ZNF419: variants seen among roughly 807,000 people sequenced by gnomAD.
ZNF419 encodes zinc finger protein 419.
In ZNF419, 8 loss-of-function variants were observed where a neutral mutation model predicts 14.9. That is an observed-to-expected ratio of 0.54 (90% CI 0.32 to 0.97). ZNF419 has a LOEUF of 0.97. Ranked by LOEUF, ZNF419 falls within the 50% of genes least tolerant of loss-of-function variation. The pLI, the probability that ZNF419 is intolerant of heterozygous loss-of-function variation, is 0.04. For missense variants in ZNF419, 595 were observed against 607.2 expected, an observed-to-expected ratio of 0.98 and a Z score of 0.21; for synonymous variants, 211 against 205.3, an observed-to-expected ratio of 1.03 and a Z score of -0.24.
rs768347662 is a variant in ZNF419, at chr19:57,495,231, C to G, written c.*1141C>G. The stretch of plus-strand genomic sequence containing the variant: ...CAGACTAGTCTCTAACTCCTGGCCT[C>G]AAGTGATCATCCTGCCTCAGCCTCC... On this transcript the variant is annotated 3_prime_UTR_variant, in exon 5 of 5. Transcript: ENST00000221735. The G allele has an allele frequency of 6.6e-5, 10 of 152,220 alleles. No homozygotes were observed. The highest frequency in any genetic ancestry group is 1.3e-4 in the Non-Finnish European group (9 of 68,056). 9.4% of individuals were successfully genotyped at this position (152,220 alleles called of 1,614,324 possible).
chr19:57,490,551 C>T (rs1408739407), intron 2 of ZNF419: 4 of 168,174 alleles, frequency 2.4e-5, no homozygotes, highest in Admixed American at 6.1e-5. Context: ...GGTTTCTCCA[C>T]GTTGGTTAGG....
rs181621518 is a variant in ZNF419 at position 57,488,347 on chromosome 19, A to G, written c.33+364A>G. 442 of 315,040 alleles carry G rather than the reference A, an allele frequency of 1.4e-3. 4 individuals carry two copies. The highest frequency in any genetic ancestry group is 8.5e-3 in the African/African-American group (396 of 46,450). The allele number at this position is 315,040 out of a possible 1,614,324, so 19.5% of individuals were successfully genotyped here. A position where few individuals can be genotyped will look rare whatever the true frequency, so the allele number is the denominator to read the frequency against. ...CTCAAAGTTTGCCAAAGGCCCTTCA[A>G]GTCAAAACAGACTGGGGTGGGGGTG... On this transcript the variant is annotated intron_variant, in intron 1 of 4. Coordinates refer to ENST00000221735, the MANE Select transcript of ZNF419 (RefSeq NM_024691.4).
rs749825922 is a variant in ZNF419, at chr19:57,493,208, A to G, written c.651A>G (p.Leu217=). Residue 217 remains leucine, a synonymous_variant, in exon 5 of 5, where the codon TTA becomes TTG. Coordinates refer to ENST00000221735, the MANE Select transcript of ZNF419 (RefSeq NM_024691.4). ...ECGKAFGQKY[L]LVQHQRLHAG... ...GGAAAGCCTTTGGTCAGAAATATTT[A>G]CTTGTTCAGCACCAGAGACTACATG... 57 of 1,614,208 alleles carry G rather than the reference A, an allele frequency of 3.5e-5. No individual in the cohort carries two copies. Among genetic ancestry groups the G allele is most frequent in the Middle Eastern group, 3.3e-4 (2 of 6,062 alleles).
chr19:57,490,127 A>T lies in ZNF419; in HGVS notation c.34-20A>T. On this transcript the variant is annotated intron_variant, in intron 1 of 4. Transcript: ENST00000221735. The stretch of plus-strand genomic sequence containing the variant: ...TTGGCAACATCACTGTCTGGTTCTC[A>T]TAGTCTTGATTTTCCATAGGTTCCT... 2 of 1,612,082 alleles carry T rather than the reference A, an allele frequency of 1.2e-6. No individual in the cohort carries two copies. Among genetic ancestry groups the T allele is most frequent in the Non-Finnish European group, 1.7e-6 (2 of 1,178,826 alleles).
rs1288141054 is a variant in ZNF419, at chr19:57,492,191, T to G, written c.278T>G (p.Val93Gly). The change falls in exon 4 of 5, where the codon GTG becomes GGG. Residue 93 changes from valine (V) to glycine (G), a missense_variant. Transcript: ENST00000221735. The stretch of plus-strand genomic sequence containing the variant: ...CCCTTCATGCCTGCTTGGGAAGTTG[T>G]GACTTCAGCCATACCGAGAGGTAGT... Reference protein sequence around the residue: ...EEPFMPAWEVVTSAIPRGCWH... With the variant: ...EEPFMPAWEVGTSAIPRGCWH... 1 of 1,614,084 alleles carries G rather than the reference T, an allele frequency of 6.2e-7. No homozygotes were observed. The highest frequency in any genetic ancestry group is 1.3e-5 in the African/African-American group (1 of 75,026).
At chr19:57,492,785 C>T in intron 4 of ZNF419, 71 bp from the exon 5 acceptor site, 1 of 1,594,900 alleles carries the variant, frequency 6.3e-7, no homozygotes, top group Non-Finnish European at 8.6e-7. Context: ...GTGTGTTAGA[C>T]ACATCTGTGA....
At position 57,493,774 on chromosome 19, in the gene ZNF419, G is replaced by C. The variant is rs1340384870; in HGVS notation, c.1217G>C (p.Arg406Thr). The change falls in exon 5 of 5, where the codon AGA becomes ACA. Residue 406 changes from arginine (R) to threonine (T), a missense_variant. Coordinates refer to ENST00000221735, the MANE Select transcript of ZNF419 (RefSeq NM_024691.4). The stretch of plus-strand genomic sequence containing the variant: ...CCTTTTAAGTGCAATGAATGTGGGA[G>C]ATTCTTTAGAGAGAATTCCACCCTA... ...EKPFKCNECG[R>T]FFRENSTLVR... 6.2e-7 allele frequency: 1 copy of C among 1,614,064 alleles called. No individual in the cohort carries two copies. Among genetic ancestry groups the C allele is most frequent in the Non-Finnish European group, 8.5e-7 (1 of 1,179,974 alleles).
chr19:57,492,417 C>A, intron 4 of ZNF419: 1 of 782,618 alleles, frequency 1.3e-6, no homozygotes, highest in Non-Finnish European at 2.3e-6. Flanking sequence ...CAGTCATCAG[C>A]AGAACCCTTC....
Position 57,495,280 on chromosome 19 carries a change from G to A in ZNF419, c.*1190G>A, listed in dbSNP as rs2089594990. On this transcript the variant is annotated 3_prime_UTR_variant, in exon 5 of 5. Coordinates refer to ENST00000221735, the MANE Select transcript of ZNF419 (RefSeq NM_024691.4). The stretch of plus-strand genomic sequence containing the variant: ...CCCAAAGTGCTGGGATTACAGGCAT[G>A]AGCCACCATGCTTGGCCTTGTTTTC... 6.6e-6 allele frequency: 1 copy of A among 152,196 alleles called. No individual in the cohort carries two copies. Among genetic ancestry groups the A allele is most frequent in the African/African-American group, 2.4e-5 (1 of 41,426 alleles). 9.4% of individuals were successfully genotyped at this position (152,196 alleles called of 1,614,324 possible).
chr19:57,493,417 T>G lies in ZNF419; in HGVS notation c.860T>G (p.Phe287Cys), dbSNP rs1223019981. Reference protein sequence around the residue: ...HQRVHTGEKPFTCSECGKAFR... With the variant: ...HQRVHTGEKPCTCSECGKAFR... Reference sequence around the variant, plus strand: ...AGAGTTCACACTGGAGAAAAGCCTTTTACATGCAGTGAATGTGGAAAAGCT... The same window carrying G: ...AGAGTTCACACTGGAGAAAAGCCTTGTACATGCAGTGAATGTGGAAAAGCT... Residue 287 changes from phenylalanine (F) to cysteine (C), a missense_variant, in exon 5 of 5, where the codon TTT becomes TGT. By Grantham distance (205) the Phe-to-Cys change is radical. Transcript: ENST00000221735. 1.2e-6 allele frequency: 2 copies of G among 1,613,706 alleles called. No homozygotes were observed. Among genetic ancestry groups the G allele is most frequent in the African/African-American group, 2.7e-5 (2 of 74,880 alleles).
chr19:57,489,361 C>A (rs1465847183), intron 1 of ZNF419: 1 of 151,964 alleles, frequency 6.6e-6, no homozygotes, highest in Non-Finnish European at 1.5e-5. Context: ...GTAAGCACTT[C>A]ATAATTGGTT....
At position 57,490,504 on chromosome 19, in the gene ZNF419, G is replaced by A. The variant is rs560789383; in HGVS notation, c.72+319G>A. 1.3e-4 allele frequency: 24 copies of A among 184,818 alleles called. No homozygotes were observed. The South Asian group carries it at 2.8e-3, about 22-fold the overall frequency. 11.4% of individuals were successfully genotyped at this position (184,818 alleles called of 1,614,324 possible). ...CGAGTAGCTGGGATTACAGGCATGC[G>A]CCACCACACCAGCTAATTTTGGATT... On this transcript the variant is annotated intron_variant, in intron 2 of 4. Transcript: ENST00000221735.
At position 57,493,140 on chromosome 19, in the gene ZNF419, G is replaced by A; in HGVS notation, c.583G>A (p.Ala195Thr). 3.7e-6 allele frequency: 6 copies of A among 1,614,216 alleles called. No homozygotes were observed. Among genetic ancestry groups the A allele is most frequent in the Non-Finnish European group, 5.1e-6 (6 of 1,180,032 alleles). ...KSHRSSKSRE[A>T]FHAGKRHYKC... ...ACATAGGAGCTCCAAAAGTAGGGAG[G>A]CCTTTCATGCTGGAAAAAGGCATTA... Residue 195 changes from alanine (A) to threonine (T), a missense_variant, in exon 5 of 5, where the codon GCC (alanine) becomes ACC (threonine). Ala to Thr is a moderately conservative substitution (Grantham distance 58, BLOSUM62 0). Transcript: ENST00000221735.
At position 57,493,274 on chromosome 19, in the gene ZNF419, ATTT is replaced by A. The variant is rs2089539074; in HGVS notation, c.718_720del (p.Phe240del). On this transcript the variant is annotated inframe_deletion, in exon 5 of 5. Coordinates refer to ENST00000221735, the MANE Select transcript of ZNF419 (RefSeq NM_024691.4). ...ATGAATGCAGTGAATGTGGGAAGTTATTTAGAGATATGTCCAACCTTTTTATAC... is the reference window on the plus strand; with the variant it reads ...ATGAATGCAGTGAATGTGGGAAGTTAAGAGATATGTCCAACCTTTTTATAC... 6.2e-7 allele frequency: 1 copy of A among 1,614,104 alleles called. No individual in the cohort carries two copies. The highest frequency in any genetic ancestry group is 8.5e-7 in the Non-Finnish European group (1 of 1,180,052).
Sources: allele counts gnomAD v4.1 joint callset, GRCh38; gene constraint gnomAD v4.1.1; transcripts MANE v1.5; gene names NCBI Gene and HGNC (gene_info 2026-07-23, HGNC 2026-07-21).